ARHGAP26: variants seen among roughly 807,000 people sequenced by gnomAD.
The protein encoded by ARHGAP26 is rho GTPase-activating protein 26.
Under a neutral mutation model 104.8 loss-of-function variants are expected in ARHGAP26, and 38 were observed. The ratio of observed to expected loss-of-function variants is 0.36; its 90% CI spans 0.28 to 0.48. ARHGAP26 has a LOEUF of 0.48. Ranked by LOEUF, ARHGAP26 falls within the 20% of genes least tolerant of loss-of-function variation. The pLI is 0.99. For missense variants in ARHGAP26, 704 were observed against 947.9 expected, an observed-to-expected ratio of 0.74 and a Z score of 3.38; for synonymous variants, 341 against 340.0, an observed-to-expected ratio of 1.00 and a Z score of -0.03.
intron 11 of ARHGAP26, among the ~76,000 whole-genome samples, chr5:142,986,269 A>AT (rs1352239337): frequency 6.6e-6 from 1 of 152,044 alleles, no homozygotes; most frequent in African/African-American, 2.4e-5. Flanking sequence ...GATGATGAGC[A>AT]TTTTTTCATG....
chr5:143,038,288 G>A (rs1283386391), intron 13 of ARHGAP26, among the ~76,000 whole-genome samples: 1 of 152,092 alleles, frequency 6.6e-6, no homozygotes, highest in African/African-American at 2.4e-5. Flanking sequence ...TAAGTAGAGG[G>A]AAGAGAGAGA....
At chr5:143,094,628 A>G (rs1378698121) in intron 17 of ARHGAP26, among the ~76,000 whole-genome samples, 1 of 152,270 alleles carries the variant, frequency 6.6e-6, no homozygotes, top group Non-Finnish European at 1.5e-5. Context: ...AGATGGAACA[A>G]TGGTGAGCAC....
At chr5:143,191,544 A>C (rs1028371562) in intron 20 of ARHGAP26, among the ~76,000 whole-genome samples, 19 of 152,248 alleles carry the variant, frequency 1.2e-4, no homozygotes, top group African/African-American at 4.6e-4. Context: ...CTATATACTA[A>C]TAATAATGAG....
chr5:142,929,037 A>G (rs1764333951), intron 10 of ARHGAP26, among the ~76,000 whole-genome samples: 1 of 152,164 alleles, frequency 6.6e-6, no homozygotes, highest in Admixed American at 6.5e-5. Flanking sequence ...TCCAGGGTTC[A>G]AGCGATTTTC....
chr5:143,085,559 G>T (rs1298456848), intron 17 of ARHGAP26, among the ~76,000 whole-genome samples: 4 of 152,154 alleles, frequency 2.6e-5, no homozygotes, highest in Admixed American at 1.3e-4. Context: ...ATATGATGAT[G>T]AATTTTTAAG....
chr5:142,954,354 T>C (rs1293053189), intron 11 of ARHGAP26, among the ~76,000 whole-genome samples: 2 of 152,242 alleles, frequency 1.3e-5, no homozygotes, highest in African/African-American at 4.8e-5. Context: ...TGGCTTCTCG[T>C]AGAGTCCCTT....
At chr5:142,811,045 C>T (rs1156281553) in intron 1 of ARHGAP26, among the ~76,000 whole-genome samples, 3 of 152,214 alleles carry the variant, frequency 2.0e-5, no homozygotes, top group African/African-American at 7.2e-5. Context: ...TGGGGCATGA[C>T]ACAAGTTGGA....
chr5:143,166,069 G>C, intron 20 of ARHGAP26: 1 of 1,322,914 alleles, frequency 7.6e-7, no homozygotes, highest in Non-Finnish European at 1.0e-6. Flanking sequence ...GTACTGAGGT[G>C]CAGAGTCCTG....
rs576301462 is a variant in ARHGAP26, at chr5:143,114,406, G to A, written c.1539-6582G>A. On this transcript the variant is annotated intron_variant, in intron 17 of 22. Coordinates refer to ENST00000645722, the MANE Select transcript of ARHGAP26 (RefSeq NM_001135608.3). The stretch of plus-strand genomic sequence containing the variant: ...AGTCTGACTTGGTAGAAAACATGCA[G>A]TGAGTGGCAGTGAGGATTCCCCCCG... 3.3e-5 allele frequency among the ~76,000 whole-genome samples: 5 copies of A among 152,316 alleles called. No individual in the cohort carries two copies. The South Asian group carries it at 1.0e-3, about 32-fold the overall frequency.
intron 11 of ARHGAP26, among the ~76,000 whole-genome samples, chr5:142,949,164 CCAGAGAGAGAGAGAGA>C (rs1216606430): frequency 2.5e-5 from 1 of 40,628 alleles, no homozygotes; most frequent in Admixed American, 3.9e-4. Context: ...AGTTGAATTT[CCAGAGAGAGAGAGAGA>C]GAGAGAGAGA....
rs536230496 is a variant in ARHGAP26, at chr5:143,094,469, G to A, written c.1539-26519G>A. Among the ~76,000 whole-genome samples, 120 of 152,324 alleles carry A rather than the reference G, an allele frequency of 7.9e-4. 1 individual carries two copies. Among genetic ancestry groups the A allele is most frequent in the African/African-American group, 2.8e-3 (115 of 41,560 alleles). On this transcript the variant is annotated intron_variant, in intron 17 of 22. Coordinates refer to ENST00000645722, the MANE Select transcript of ARHGAP26 (RefSeq NM_001135608.3). ...TCCTCACGAAAGAGAACCAGAGACC[G>A]CCCCCAGAGGGGAACGTAATCCCAG...
chr5:142,957,465 A>G (rs886776668), intron 11 of ARHGAP26, among the ~76,000 whole-genome samples: 1 of 152,100 alleles, frequency 6.6e-6, no homozygotes, highest in African/African-American at 2.4e-5. Context: ...GGACCATAAG[A>G]TATTGGTCCT....
chr5:143,153,568 G>A (rs1800099362), intron 20 of ARHGAP26, among the ~76,000 whole-genome samples: 1 of 152,176 alleles, frequency 6.6e-6, no homozygotes, highest in Non-Finnish European at 1.5e-5. Flanking sequence ...ATAACATGCT[G>A]CAGTAATTTC....
At position 142,894,721 on chromosome 5, in the gene ARHGAP26, C is replaced by T. The variant is rs530495633; in HGVS notation, c.597+373C>T. 5.3e-5 allele frequency among the ~76,000 whole-genome samples: 8 copies of T among 152,312 alleles called. No individual in the cohort carries two copies. In the South Asian group the frequency reaches 1.7e-3, roughly 32 times the overall value. ...CCTCTCTCCTACCCTTCTTCTCTTC[C>T]TCAAATAATTCAGATGTAGTAGTCA... On this transcript the variant is annotated intron_variant, in intron 6 of 22. Transcript: ENST00000645722.
intron 11 of ARHGAP26, among the ~76,000 whole-genome samples, chr5:143,001,542 CTTCTT>C (rs1777191705): frequency 6.6e-6 from 1 of 152,192 alleles, no homozygotes; most frequent in Non-Finnish European, 1.5e-5. Flanking sequence ...TTTACTGTCT[CTTCTT>C]TCATCTTTTC....
intron 12 of ARHGAP26, among the ~76,000 whole-genome samples, chr5:143,022,081 T>C (rs1001371138): frequency 4.7e-5 from 3 of 63,248 alleles, no homozygotes; most frequent in African/African-American, 1.6e-4. Context: ...TATTTTGTTT[T>C]ATTTCATTTA....
Position 142,949,204 on chromosome 5 carries a change from A to AG in ARHGAP26, c.1107+17080dup, listed in dbSNP as rs1222849216. 1.9e-3 allele frequency among the ~76,000 whole-genome samples: 78 copies of AG among 40,576 alleles called. 8 individuals carry two copies. In the East Asian group the frequency reaches 0.021, roughly 11 times the overall value. 26.6% of individuals were successfully genotyped at this position (40,576 alleles called of 152,430 possible). On this transcript the variant is annotated intron_variant, in intron 11 of 22. Transcript: ENST00000645722. ...GAGAGAGAGAGAGAGAGAGAGAGAG[A>AG]GAGAGAGAGAGAGAGAGGAGAGAGA...
At chr5:142,939,057 A>G (rs1272921526) in intron 11 of ARHGAP26, among the ~76,000 whole-genome samples, 3 of 152,188 alleles carry the variant, frequency 2.0e-5, no homozygotes, top group South Asian at 2.1e-4. Context: ...GATATTGGCA[A>G]TTTCTTATGG....
intron 11 of ARHGAP26, among the ~76,000 whole-genome samples, chr5:143,006,316 C>CG (rs1777947598): frequency 8.9e-6 from 1 of 112,874 alleles, no homozygotes; most frequent in Non-Finnish European, 1.9e-5. Context: ...AGTGTTTTTT[C>CG]TTTTTTTTTT....
Sources: gnomAD v4.1 joint callset for allele counts (sites outside exome capture counted in the v4.1 genomes callset) on GRCh38, gnomAD v4.1.1 for gene constraint, MANE v1.5 for transcripts, NCBI Gene and HGNC (gene_info 2026-07-23, HGNC 2026-07-21) for gene names.